Variants in TEC observed in about 807,000 individuals in gnomAD.
TEC encodes tec protein tyrosine kinase.
In TEC, 72 loss-of-function variants were observed where a neutral mutation model predicts 93.0. That is an observed-to-expected ratio of 0.77 (90% CI 0.64 to 0.94). The LOEUF is 0.94. Among genes scored for constraint, TEC ranks in the 40% least tolerant of loss-of-function variants. The pLI is 0.00. For synonymous variants in TEC, 249 were observed against 247.7 expected (o/e 1.01, Z -0.05); for missense variants, 630 against 757.9 (o/e 0.83, Z 1.98).
intron 1 of TEC, 114 bp from the exon 2 acceptor site, chr4:48,228,773 T>C (rs1329202709): frequency 1.2e-6 from 1 of 819,542 alleles, no homozygotes; most frequent in African/African-American, 1.8e-5. Context: ...AGATGAGTAT[T>C]GATCTCTGTG....
At chr4:48,147,865 T>C (rs1223693895) in intron 11 of TEC, among the ~76,000 whole-genome samples, 1 of 152,198 alleles carries the variant, frequency 6.6e-6, no homozygotes, top group Non-Finnish European at 1.5e-5. Flanking sequence ...ATTTTGTTTA[T>C]ATTATCTGAT....
At chr4:48,210,163 T>C (rs564721846) in intron 2 of TEC, among the ~76,000 whole-genome samples, 1 of 152,152 alleles carries the variant, frequency 6.6e-6, no homozygotes, top group South Asian at 2.1e-4. Flanking sequence ...TTTAACTCCA[T>C]AGCAGACCCA....
intron 2 of TEC, among the ~76,000 whole-genome samples, chr4:48,180,531 A>C (rs1014199480): frequency 1.3e-5 from 2 of 152,292 alleles, no homozygotes; most frequent in South Asian, 2.1e-4. Context: ...GAAGATGGGG[A>C]AGATTCAGGA....
At chr4:48,174,109 T>A (rs1038211465) in intron 3 of TEC, among the ~76,000 whole-genome samples, 1 of 152,230 alleles carries the variant, frequency 6.6e-6, no homozygotes, top group African/African-American at 2.4e-5. Flanking sequence ...TGTATAAAGC[T>A]CAAGCTTATC....
At chr4:48,185,583 T>C (rs1056482253) in intron 2 of TEC, among the ~76,000 whole-genome samples, 1 of 152,212 alleles carries the variant, frequency 6.6e-6, no homozygotes, top group Non-Finnish European at 1.5e-5. Context: ...TAGTAACTTA[T>C]ATGGGTGATT....
chr4:48,139,000 T>C lies in TEC; in HGVS notation c.1558A>G (p.Thr520Ala). 1 of 1,614,194 alleles carries C rather than the reference T, an allele frequency of 6.2e-7. No individual in the cohort carries two copies. Among genetic ancestry groups the C allele is most frequent in the South Asian group, 1.1e-5 (1 of 91,088 alleles). Residue 520 changes from threonine (T) to alanine (A), a missense_variant, in exon 16 of 18, where the codon ACA (threonine) becomes GCA (alanine). Physicochemically the swap from Thr to Ala is moderately conservative, Grantham distance 58. Around this residue, in one of 3 missense-constraint regions of TEC, gnomAD observed 289 missense variants for 390.0 expected, o/e 0.74. Transcript: ENST00000381501. The part of the protein sequence containing the change: ...MARYVLDDQY[T>A]SSSGAKFPVK... ...GGAAACTTAGCACCAGAAGAACTTG[T>C]GTACTGATCATCCAGAACATACCTA...
At chr4:48,175,993 C>CCAATCAGT (rs1721309272) in intron 3 of TEC, 89 bp downstream of exon 3, 1 of 998,548 alleles carries the variant, frequency 1.0e-6, no homozygotes, top group South Asian at 1.4e-5. Context: ...TACAAATCAG[C>CCAATCAGT]CAGCAAAGCA....
At chr4:48,158,844 C>T (rs115869554) in intron 8 of TEC, among the ~76,000 whole-genome samples, 2,362 of 152,232 alleles carry the variant, frequency 0.016, 18 homozygotes, top group Middle Eastern at 0.034. Context: ...TCTTGAAAAT[C>T]CTGTTCTGAG....
intron 2 of TEC, among the ~76,000 whole-genome samples, chr4:48,201,952 ATTTTTT>A (rs780630248): frequency 3.4e-5 from 4 of 116,528 alleles, no homozygotes; most frequent in African/African-American, 1.3e-4. Context: ...ACTGTGGCTT[ATTTTTT>A]TTTTTTTTTT....
intron 7 of TEC, 64 bp from the exon 8 acceptor site, chr4:48,163,831 G>GAA: frequency 1.1e-6 from 1 of 889,296 alleles, no homozygotes; most frequent in Non-Finnish European, 1.7e-6. Flanking sequence ...AAGAAAGAAA[G>GAA]ATTATTGCCT....
chr4:48,157,460 C>T (rs1259174252), intron 8 of TEC, among the ~76,000 whole-genome samples: 2 of 152,186 alleles, frequency 1.3e-5, no homozygotes, highest in African/African-American at 4.8e-5. Flanking sequence ...CTGGTCTTCC[C>T]TCCCACCAGA....
chr4:48,239,521 A>G (rs575304874), intron 1 of TEC, among the ~76,000 whole-genome samples: 2 of 152,326 alleles, frequency 1.3e-5, no homozygotes, highest in South Asian at 4.1e-4. Context: ...CTCAGTGGGT[A>G]CAGTGATTTT....
intron 2 of TEC, among the ~76,000 whole-genome samples, chr4:48,179,085 T>C (rs1371215723): frequency 6.6e-6 from 1 of 151,956 alleles, no homozygotes; most frequent in African/African-American, 2.4e-5. Context: ...TCCCTTCCCT[T>C]CAGTTTCTCA....
intron 2 of TEC, among the ~76,000 whole-genome samples, chr4:48,195,571 T>C (rs1009022234): frequency 6.6e-6 from 1 of 152,226 alleles, no homozygotes; most frequent in South Asian, 2.1e-4. Context: ...TCATCAATCT[T>C]AAAGTGCTCC....
At position 48,163,697 on chromosome 4, in the gene TEC, C is replaced by A; in HGVS notation, c.737+5G>T. On this transcript the variant is annotated splice_donor_5th_base_variant and intron_variant, in intron 8 of 17. Coordinates refer to ENST00000381501, the MANE Select transcript of TEC (RefSeq NM_003215.3). The stretch of plus-strand genomic sequence containing the variant: ...TCCACATTCACAAAATAAACATTTA[C>A]TTACTCATATTGATCTAAGTTGTTT... The A allele has an allele frequency of 6.9e-7, 1 of 1,445,010 alleles. No individual in the cohort carries two copies. The highest frequency in any genetic ancestry group is 9.4e-7 in the Non-Finnish European group (1 of 1,065,828). The allele number at this position is 1,445,010 out of a possible 1,614,324, so 89.5% of individuals were successfully genotyped here. A position where few individuals can be genotyped will look rare whatever the true frequency, so the allele number is the denominator to read the frequency against.
At chr4:48,259,171 C>T (rs1374476494) in intron 1 of TEC, among the ~76,000 whole-genome samples, 2 of 152,216 alleles carry the variant, frequency 1.3e-5, no homozygotes, top group Admixed American at 1.3e-4. Context: ...GGCCATGAAT[C>T]TTTCTCAAGT....
chr4:48,235,074 GA>G (rs1055359016), intron 1 of TEC, among the ~76,000 whole-genome samples: 26 of 143,324 alleles, frequency 1.8e-4, no homozygotes, highest in Admixed American at 4.8e-4. Flanking sequence ...AGAATAATAG[GA>G]AAAAAAAAAA....
intron 1 of TEC, among the ~76,000 whole-genome samples, chr4:48,241,616 C>T (rs1030526444): frequency 6.6e-6 from 1 of 152,200 alleles, no homozygotes; most frequent in African/African-American, 2.4e-5. Context: ...AGAGCCTTGA[C>T]ATCCCCACTG....
intron 2 of TEC, among the ~76,000 whole-genome samples, chr4:48,184,978 T>C (rs1174774313): frequency 1.3e-5 from 2 of 152,110 alleles, no homozygotes; most frequent in South Asian, 2.1e-4. Flanking sequence ...GCCATGTTCA[T>C]TAAATATTGA....
Sources: gnomAD v4.1 joint callset for allele counts (sites outside exome capture counted in the v4.1 genomes callset) on GRCh38, gnomAD v4.1.1 for gene constraint, gnomAD v4.1.1 regional missense constraint, MANE v1.5 for transcripts, NCBI Gene and HGNC (gene_info 2026-07-23, HGNC 2026-07-21) for gene names.